The following IGSF11 variants were observed in gnomAD, a reference collection of about 807,000 sequenced individuals.
The protein encoded by IGSF11 is CXADR like 1.
A neutral mutation model predicts 41.0 loss-of-function variants in IGSF11; 22 were observed. The observed-to-expected ratio is 0.54, with a 90% confidence interval of 0.38 to 0.77. The LOEUF (loss-of-function observed/expected upper bound fraction) is 0.77, where lower values mean the gene tolerates loss of function less well. IGSF11 is among the 30% of genes least tolerant of loss of function. The pLI, the probability that IGSF11 is intolerant of heterozygous loss-of-function variation, is 0.00. For synonymous variants in IGSF11, 219 were observed against 201.3 expected (o/e 1.09, Z -0.74); for missense variants, 444 against 530.8 (o/e 0.84, Z 1.61).
intron 1 of IGSF11, among the ~76,000 whole-genome samples, chr3:119,075,897 C>G (rs7432055): frequency 6.6e-6 from 1 of 151,954 alleles, no homozygotes; most frequent in Non-Finnish European, 1.5e-5. Context: ...CTTCACAGAA[C>G]TGGAAAAAAC....
intron 1 of IGSF11, among the ~76,000 whole-genome samples, chr3:119,059,008 A>G (rs913126033): frequency 6.6e-6 from 1 of 151,836 alleles, no homozygotes; most frequent in Non-Finnish European, 1.5e-5. Context: ...TAGCATTAGG[A>G]GATATACCTA....
chr3:119,042,360 G>A (rs933693384), intron 1 of IGSF11, among the ~76,000 whole-genome samples: 12 of 152,202 alleles, frequency 7.9e-5, no homozygotes, highest in Admixed American at 7.2e-4. Flanking sequence ...CAGCAGGGAG[G>A]GTTGTAGCCT....
At chr3:118,914,961 C>A (rs1032203215) in intron 4 of IGSF11, among the ~76,000 whole-genome samples, 5 of 143,084 alleles carry the variant, frequency 3.5e-5, no homozygotes, top group Non-Finnish European at 6.0e-5. Context: ...GACCCCCGAG[C>A]AGCCTAACTG....
intron 1 of IGSF11, chr3:119,112,746 A>C (rs6438486): frequency 0.94 from 143,775 of 153,112 alleles, 67,576 homozygotes; most frequent in East Asian, 1. Flanking sequence ...GGCTCCTCCC[A>C]CCATATGTCC....
intron 1 of IGSF11, among the ~76,000 whole-genome samples, chr3:119,067,242 G>A (rs565977917): frequency 1.8e-4 from 28 of 152,220 alleles, no homozygotes; most frequent in South Asian, 6.2e-4. Context: ...ATCCAATTAC[G>A]GAGCTGGGTT....
At chr3:118,903,521 G>A (rs1559866562) in intron 6 of IGSF11, among the ~76,000 whole-genome samples, 1 of 152,130 alleles carries the variant, frequency 6.6e-6, no homozygotes. Flanking sequence ...TGGCCTGATT[G>A]TATTACCCTT....
chr3:118,958,295 A>G (rs2107596153), intron 1 of IGSF11, among the ~76,000 whole-genome samples: 1 of 152,358 alleles, frequency 6.6e-6, no homozygotes, highest in South Asian at 2.1e-4. Flanking sequence ...GTGAAAGTTG[A>G]CAAATGTTGG....
At chr3:119,004,092 C>T (rs867511378) in intron 1 of IGSF11, among the ~76,000 whole-genome samples, 2,212 of 150,312 alleles carry the variant, frequency 0.015, 56 homozygotes, top group African/African-American at 0.051. Flanking sequence ...CCATCTGGTC[C>T]TGGACTCTTT....
At chr3:119,133,624 C>T (rs1278484079) in intron 1 of IGSF11, among the ~76,000 whole-genome samples, 1 of 152,048 alleles carries the variant, frequency 6.6e-6, no homozygotes, top group Non-Finnish European at 1.5e-5. Context: ...GATTCACAGC[C>T]AAATTCTAAA....
intron 1 of IGSF11, among the ~76,000 whole-genome samples, chr3:119,110,763 G>C (rs2077141873): frequency 6.6e-6 from 1 of 152,006 alleles, no homozygotes; most frequent in South Asian, 2.1e-4. Context: ...GCTTCCTTCA[G>C]GAGCTCTTTT....
chr3:119,061,057 T>C (rs904794509), intron 1 of IGSF11, among the ~76,000 whole-genome samples: 9 of 152,198 alleles, frequency 5.9e-5, no homozygotes, highest in African/African-American at 2.2e-4. Flanking sequence ...GCTGTTTCTA[T>C]GGTAACACAA....
intron 1 of IGSF11, among the ~76,000 whole-genome samples, chr3:119,130,205 T>C (rs1403687856): frequency 6.6e-6 from 1 of 151,942 alleles, no homozygotes; most frequent in Non-Finnish European, 1.5e-5. Flanking sequence ...CTGGGACTGG[T>C]TGGAGAATGG....
At chr3:119,019,141 G>A (rs1010975101) in intron 1 of IGSF11, among the ~76,000 whole-genome samples, 1 of 152,012 alleles carries the variant, frequency 6.6e-6, no homozygotes, top group African/African-American at 2.4e-5. Flanking sequence ...TTGCTGCCCT[G>A]TTGGTATATC....
intron 1 of IGSF11, among the ~76,000 whole-genome samples, chr3:118,984,196 C>T (rs1002941997): frequency 6.6e-6 from 1 of 151,394 alleles, no homozygotes; most frequent in Non-Finnish European, 1.5e-5. Flanking sequence ...CAGACATTTG[C>T]CTCTTTTTTA....
intron 1 of IGSF11, among the ~76,000 whole-genome samples, chr3:119,118,774 C>G (rs1037390948): frequency 2.0e-5 from 3 of 152,176 alleles, no homozygotes; most frequent in African/African-American, 7.2e-5. Context: ...TTTGACAGCA[C>G]CCAAGTCATC....
rs1311804652 is a variant in IGSF11, at chr3:119,015,437, GAACTA to G, written c.52+19089_52+19093del. Among the ~76,000 whole-genome samples the G allele has an allele frequency of 3.3e-5, 5 of 152,094 alleles. No individual in the cohort carries two copies. In the East Asian group the frequency reaches 9.6e-4, roughly 29 times the overall value. On this transcript the variant is annotated intron_variant, in intron 1 of 6. Transcript: ENST00000393775. ...AATCCGTTATAAACCTGGAGGACAC[GAACTA>G]AACTGAAAGGTTATAAAAGCTTTAA...
intron 1 of IGSF11, among the ~76,000 whole-genome samples, chr3:119,045,869 C>G (rs1941326026): frequency 6.6e-6 from 1 of 151,968 alleles, no homozygotes; most frequent in Admixed American, 6.6e-5. Flanking sequence ...GGGAGGCACC[C>G]CCCAGCAGGG....
intron 4 of IGSF11, 44 bp from the exon 5 acceptor site, chr3:118,905,762 T>C (rs1307264865): frequency 6.2e-7 from 1 of 1,607,680 alleles, no homozygotes; most frequent in South Asian, 1.1e-5. Context: ...GCGGGACTAA[T>C]AGCAAAACCA....
chr3:118,900,601 C>T lies in IGSF11; in HGVS notation c.*1919G>A, dbSNP rs974421502. On this transcript the variant is annotated 3_prime_UTR_variant, in exon 7 of 7. Transcript: ENST00000393775. ...ATACTAAGTTTTAAAATGACATACT[C>T]GTTAGTATTGATAATTAATGACAAC... 6.6e-6 allele frequency: 1 copy of T among 152,256 alleles called. No homozygotes were observed. Among genetic ancestry groups the T allele is most frequent in the Non-Finnish European group, 1.5e-5 (1 of 67,966 alleles). 9.4% of individuals were successfully genotyped at this position (152,256 alleles called of 1,614,324 possible).
Sources: allele counts gnomAD v4.1 joint callset (sites outside exome capture counted in the v4.1 genomes callset), GRCh38; gene constraint gnomAD v4.1.1; transcripts MANE v1.5; gene names NCBI Gene and HGNC (gene_info 2026-07-23, HGNC 2026-07-21).